The following ZBTB7C variants were observed in gnomAD, a reference collection of about 807,000 sequenced individuals.
ZBTB7C encodes zinc finger and BTB domain containing 7C, also known as zinc finger and BTB domain-containing protein 7C.
In ZBTB7C, 8 loss-of-function variants were observed where a neutral mutation model predicts 25.7. The ratio of observed to expected loss-of-function variants is 0.31; its 90% confidence interval spans 0.18 to 0.56. The LOEUF is 0.56. Among genes scored for constraint, ZBTB7C ranks in the 20% least tolerant of loss-of-function variants. ZBTB7C has a pLI of 0.91. For missense variants in ZBTB7C, 824 were observed against 855.2 expected (o/e 0.96, Z 0.46); for synonymous variants, 394 against 369.0 (o/e 1.07, Z -0.78).
chr18:48,188,398 C>G (rs1456386559), intron 2 of ZBTB7C, among the ~76,000 whole-genome samples: 1 of 152,212 alleles, frequency 6.6e-6, no homozygotes, highest in Non-Finnish European at 1.5e-5. Context: ...GGAAAAGCCC[C>G]TTATAAAACC....
At chr18:48,314,770 G>T (rs765276638) in intron 2 of ZBTB7C, among the ~76,000 whole-genome samples, 7 of 152,146 alleles carry the variant, frequency 4.6e-5, no homozygotes, top group Non-Finnish European at 8.8e-5. Context: ...ATCCCCTAGA[G>T]ACTGCTGACA....
At chr18:48,339,424 A>G (rs1421672985) in intron 1 of ZBTB7C, among the ~76,000 whole-genome samples, 1 of 152,254 alleles carries the variant, frequency 6.6e-6, no homozygotes, top group Non-Finnish European at 1.5e-5. Context: ...GGACACATAT[A>G]TAATGATTAG....
At position 48,040,072 on chromosome 18, in the gene ZBTB7C, G is replaced by T. The variant is rs763005828; in HGVS notation, c.1036C>A (p.Leu346Ile). The change falls in exon 4 of 5, where the codon CTC (leucine) becomes ATC (isoleucine). Residue 346 changes from leucine (L) to isoleucine (I), a missense_variant. This residue lies in a region of ZBTB7C where 316 missense variants were observed against 299.2 expected (regional missense o/e 1.06). Coordinates refer to ENST00000590800, the MANE Select transcript of ZBTB7C (RefSeq NM_001318841.2). ...NFLSATHLGG[L>I]FPPWPLVEER... ...TCTACCAGGGGCCAGGGTGGGAAGAGGCCTCCCAGGTGGGTGGCACTCAGG... is the reference window on the plus strand; with the variant it reads ...TCTACCAGGGGCCAGGGTGGGAAGATGCCTCCCAGGTGGGTGGCACTCAGG... 1.2e-6 allele frequency: 2 copies of T among 1,613,002 alleles called. No homozygotes were observed. The highest frequency in any genetic ancestry group is 2.7e-5 in the African/African-American group (2 of 74,906).
chr18:48,032,920 T>G (rs1389679407), intron 4 of ZBTB7C, among the ~76,000 whole-genome samples: 1 of 152,170 alleles, frequency 6.6e-6, no homozygotes, highest in Admixed American at 6.5e-5. Context: ...GCTGAGAAGG[T>G]GCCTACGATA....
At chr18:48,271,285 A>G (rs1445147484) in intron 2 of ZBTB7C, among the ~76,000 whole-genome samples, 1 of 152,128 alleles carries the variant, frequency 6.6e-6, no homozygotes, top group East Asian at 1.9e-4. Context: ...AGAGGGTACA[A>G]TTAAAGAAAG....
At chr18:48,283,241 CAG>C (rs2144646878) in intron 2 of ZBTB7C, among the ~76,000 whole-genome samples, 1 of 152,214 alleles carries the variant, frequency 6.6e-6, no homozygotes, top group South Asian at 2.1e-4. Flanking sequence ...TTATTTATAA[CAG>C]GGAAAATTTG....
In ZBTB7C at chr18:48,376,255, T is replaced by C. The variant is rs553376760; in HGVS notation, c.-304+32971A>G. 7.9e-4 allele frequency among the ~76,000 whole-genome samples: 121 copies of C among 152,370 alleles called. 1 individual carries two copies. The highest frequency in any genetic ancestry group is 2.5e-3 in the Admixed American group (38 of 15,312). ...TATGTCCATTCGCATTTTAAATATCTTAACCTAACACAATCATCTACTTCT... is the reference window on the plus strand; with the variant it reads ...TATGTCCATTCGCATTTTAAATATCCTAACCTAACACAATCATCTACTTCT... On this transcript the variant is annotated intron_variant, in intron 1 of 4. Transcript: ENST00000590800.
intron 3 of ZBTB7C, among the ~76,000 whole-genome samples, chr18:48,073,765 C>A (rs114887143): frequency 0.016 from 2,435 of 152,278 alleles, 58 homozygotes; most frequent in African/African-American, 0.055. Flanking sequence ...CCAGGCTGTC[C>A]TGTGGCTGGC....
chr18:48,312,309 C>G (rs965181564), intron 2 of ZBTB7C, among the ~76,000 whole-genome samples: 1 of 152,192 alleles, frequency 6.6e-6, no homozygotes, highest in African/African-American at 2.4e-5. Context: ...TCAGCCCTAC[C>G]TACCCCGAAC....
intron 3 of ZBTB7C, among the ~76,000 whole-genome samples, chr18:48,096,729 C>T (rs2038647762): frequency 6.6e-6 from 1 of 152,090 alleles, no homozygotes; most frequent in African/African-American, 2.4e-5. Flanking sequence ...AAGCATTGTC[C>T]CATCTTGTGT....
At chr18:48,236,524 T>A (rs1320977281) in intron 2 of ZBTB7C, among the ~76,000 whole-genome samples, 1 of 152,242 alleles carries the variant, frequency 6.6e-6, no homozygotes, top group African/African-American at 2.4e-5. Context: ...TCGTTTGAGC[T>A]GGAGGAAGAC....
chr18:48,308,172 C>A (rs775879053), intron 2 of ZBTB7C, among the ~76,000 whole-genome samples: 8 of 152,202 alleles, frequency 5.3e-5, no homozygotes, highest in Non-Finnish European at 1.2e-4. Context: ...CCCACACACA[C>A]ACAAGATTAG....
At chr18:48,102,348 A>C (rs888321965) in intron 3 of ZBTB7C, among the ~76,000 whole-genome samples, 1 of 152,156 alleles carries the variant, frequency 6.6e-6, no homozygotes, top group South Asian at 2.1e-4. Flanking sequence ...AGGATCGCTT[A>C]AGGCCAAGAG....
intron 2 of ZBTB7C, among the ~76,000 whole-genome samples, chr18:48,204,899 T>G (rs895100945): frequency 6.6e-6 from 1 of 150,690 alleles, no homozygotes; most frequent in Non-Finnish European, 1.5e-5. Flanking sequence ...GCAATTCTCA[T>G]TTGGCTGCTG....
At chr18:48,358,220 C>T (rs1294526328) in intron 1 of ZBTB7C, among the ~76,000 whole-genome samples, 5 of 152,064 alleles carry the variant, frequency 3.3e-5, no homozygotes, top group East Asian at 1.9e-4. Flanking sequence ...GACATGGTGG[C>T]GGGCACCTGT....
intron 3 of ZBTB7C, among the ~76,000 whole-genome samples, chr18:48,061,250 T>C (rs1046173212): frequency 6.6e-6 from 1 of 151,830 alleles, no homozygotes; most frequent in African/African-American, 2.4e-5. Context: ...CAGACAAGAG[T>C]AGGATAAAAC....
rs561401189 is a variant in ZBTB7C at position 48,282,205 on chromosome 18, G to A, written c.-79+55969C>T. Among the ~76,000 whole-genome samples, 175 of 146,752 alleles carry A rather than the reference G, an allele frequency of 1.2e-3. 1 individual carries two copies. Among genetic ancestry groups the A allele is most frequent in the African/African-American group, 4.1e-3 (162 of 39,416 alleles). On this transcript the variant is annotated intron_variant, in intron 2 of 4. Coordinates refer to ENST00000590800, the MANE Select transcript of ZBTB7C (RefSeq NM_001318841.2). ...AAACCATCATTCTCAGTAAACTATC[G>A]CAAGAACAAAAAACCAAACACCGCA...
intron 2 of ZBTB7C, among the ~76,000 whole-genome samples, chr18:48,254,276 T>C (rs756860138): frequency 3.9e-5 from 6 of 152,210 alleles, no homozygotes; most frequent in South Asian, 2.1e-4. Context: ...AAGTTCAAAA[T>C]GGCGGTTCCA....
At chr18:48,274,854 G>C (rs1276094402) in intron 2 of ZBTB7C, among the ~76,000 whole-genome samples, 2 of 152,186 alleles carry the variant, frequency 1.3e-5, no homozygotes, top group Non-Finnish European at 2.9e-5. Context: ...GGGGGTGTCT[G>C]CTAAGTCAAT....
Sources: gnomAD v4.1 joint callset for allele counts (sites outside exome capture counted in the v4.1 genomes callset) on GRCh38, gnomAD v4.1.1 for gene constraint, gnomAD v4.1.1 regional missense constraint, MANE v1.5 for transcripts, NCBI Gene and HGNC (gene_info 2026-07-23, HGNC 2026-07-21) for gene names.